The following C4orf51 variants were observed in gnomAD, a reference collection of about 807,000 sequenced individuals.
The protein encoded by C4orf51 is uncharacterized protein C4orf51.
C4orf51 carries 25 observed loss-of-function variants against 25.2 expected under a neutral mutation model. That is an observed-to-expected ratio of 0.99 (90% confidence interval 0.72 to 1.39). C4orf51 has a LOEUF of 1.39. Among genes scored for constraint, C4orf51 ranks in the 40% most tolerant of loss-of-function variants. C4orf51 has a pLI of 0.00. For missense variants in C4orf51, 252 were observed against 239.6 expected (o/e 1.05, Z -0.34); for synonymous variants, 100 against 84.5 (o/e 1.18, Z -1.01).
intron 2 of C4orf51, among the ~76,000 whole-genome samples, chr4:145,703,500 A>G (rs1032481453): frequency 2.6e-5 from 4 of 152,198 alleles, no homozygotes; most frequent in Non-Finnish European, 2.9e-5. Context: ...ACGGACGCGC[A>G]TGAAACTCCT....
intron 2 of C4orf51, among the ~76,000 whole-genome samples, chr4:145,699,961 C>T: frequency 6.6e-6 from 1 of 152,166 alleles, no homozygotes; most frequent in East Asian, 1.9e-4. Flanking sequence ...AACACCTTCT[C>T]CTTCACCCTT....
At chr4:145,693,834 G>A (rs1445886810) in intron 1 of C4orf51, among the ~76,000 whole-genome samples, 36 of 188 alleles carry the variant, frequency 0.19, no homozygotes, top group Non-Finnish European at 0.25. Context: ...CTGGCCGGGC[G>A]GGGGGGCTGA....
intron 1 of C4orf51, among the ~76,000 whole-genome samples, chr4:145,744,859 A>AT (rs1733287202): frequency 6.6e-6 from 1 of 151,510 alleles, no homozygotes; most frequent in African/African-American, 2.4e-5. Flanking sequence ...TCTCAAAAAA[A>AT]AAAAAGAGAG....
chr4:145,727,943 A>G (rs1732177016), intron 3 of C4orf51, among the ~76,000 whole-genome samples: 1 of 80,296 alleles, frequency 1.2e-5, no homozygotes, highest in Non-Finnish European at 2.1e-5. Context: ...ATATATATAC[A>G]TTATATATAA....
At chr4:145,775,340 A>T (rs549676494), downstream of C4orf51, among the ~76,000 whole-genome samples, 105 of 152,338 alleles carry the variant, frequency 6.9e-4, no homozygotes, top group Middle Eastern at 3.4e-3. Flanking sequence ...CATAAAATCC[A>T]CATACTAAAG....
chr4:145,689,335 A>T (rs1301911059), intron 1 of C4orf51, among the ~76,000 whole-genome samples: 1 of 152,198 alleles, frequency 6.6e-6, no homozygotes, highest in Admixed American at 6.5e-5. Context: ...GCATATAAAA[A>T]GGCAAGCCAC....
chr4:145,749,569 A>G (rs555736092), intron 1 of C4orf51, among the ~76,000 whole-genome samples: 4 of 150,632 alleles, frequency 2.7e-5, no homozygotes, highest in Admixed American at 2.6e-4. Flanking sequence ...TTTTTTGTGT[A>G]TCTGTTATAT....
the C4orf51 span, among the ~76,000 whole-genome samples, chr4:145,786,062 A>C: frequency 6.6e-6 from 1 of 152,240 alleles, no homozygotes; most frequent in African/African-American, 2.4e-5. Flanking sequence ...ACATGGTATT[A>C]CTGAAGAAAG....
chr4:145,770,031 C>A (rs1330848234), intron 1 of C4orf51, among the ~76,000 whole-genome samples: 1 of 152,192 alleles, frequency 6.6e-6, no homozygotes, highest in Non-Finnish European at 1.5e-5. Context: ...GGTGCCGTGG[C>A]TCACGCCTGT....
At position 145,765,866 on chromosome 4, in the gene C4orf51, C is replaced by T. The variant is rs559537329; in HGVS notation, n.167-5122C>T. ...TGGGGGCACAGGCTCATGTCCCCAG[C>T]TCCCCCACTGCTGGGGGATCCCAGG... On this transcript the variant is annotated intron_variant and non_coding_transcript_variant, in intron 1 of 1. Coordinates refer to the C4orf51 transcript ENST00000510096. This position sits in a 1 kb window ranked among gnomAD's most constrained non-coding sequence, Gnocchi z 4.7. The T allele has an allele frequency of 1.3e-5, 12 of 919,496 alleles. No individual in the cohort carries two copies. The East Asian group carries it at 3.3e-4, about 25-fold the overall frequency. The allele number at this position is 919,496 out of a possible 1,614,324, so 57.0% of individuals were successfully genotyped here. A position where few individuals can be genotyped will look rare whatever the true frequency, so the allele number is the denominator to read the frequency against.
rs398051305 is a variant in C4orf51 at position 145,731,564 on chromosome 4, CTTTTTTTTTTTTTTTT to C, written c.502-871_502-856del. 3.9e-4 allele frequency among the ~76,000 whole-genome samples: 17 copies of C among 43,876 alleles called. 2 individuals are homozygous for C. The South Asian group carries it at 0.015, about 38-fold the overall frequency. The allele number at this position is 43,876 out of a possible 152,430, so 28.8% of individuals were successfully genotyped here. A position where few individuals can be genotyped will look rare whatever the true frequency, so the allele number is the denominator to read the frequency against. On this transcript the variant is annotated intron_variant, in intron 5 of 5. Transcript: ENST00000438731. ...TTTTTATTTATGAGACAAGGCAAAT[CTTTTTTTTTTTTTTTT>C]TTTTTTTTTTTTTTTTTGAGACAGG...
chr4:145,742,556 T>TTA (rs1271213897), intron 1 of C4orf51, among the ~76,000 whole-genome samples: 1 of 89,118 alleles, frequency 1.1e-5, no homozygotes, highest in African/African-American at 4.2e-5. Flanking sequence ...TTTTTTTTTT[T>TTA]TGAGACAGAG....
At chr4:145,777,090 GAGA>G in the C4orf51 span, among the ~76,000 whole-genome samples, 2 of 152,166 alleles carry the variant, frequency 1.3e-5, no homozygotes, top group African/African-American at 4.8e-5. Flanking sequence ...TTAGTTCACA[GAGA>G]AGAACATGGA....
the C4orf51 span, among the ~76,000 whole-genome samples, chr4:145,792,192 A>G: frequency 1.3e-5 from 2 of 152,302 alleles, no homozygotes; most frequent in East Asian, 1.9e-4. Flanking sequence ...TCATGGCCTC[A>G]GATCAAAATA....
intron 1 of C4orf51, among the ~76,000 whole-genome samples, chr4:145,748,776 C>T (rs1473069578): frequency 1.3e-5 from 2 of 152,060 alleles, no homozygotes; most frequent in East Asian, 3.9e-4. Context: ...GTGTTTGTTT[C>T]ATGAACTAAC....
At chr4:145,742,744 G>A (rs1408968461) in intron 1 of C4orf51, among the ~76,000 whole-genome samples, 1 of 151,812 alleles carries the variant, frequency 6.6e-6, no homozygotes, top group Non-Finnish European at 1.5e-5. Context: ...GTTTCACCAT[G>A]TTGGTTAGGC....
intron 2 of C4orf51, among the ~76,000 whole-genome samples, chr4:145,723,968 T>C (rs1180399105): frequency 6.6e-6 from 1 of 152,162 alleles, no homozygotes; most frequent in Non-Finnish European, 1.5e-5. Flanking sequence ...TGAGAGACAT[T>C]TCTAGTTCAG....
Position 145,761,470 on chromosome 4 carries a change from G to A in C4orf51, n.167-9518G>A, listed in dbSNP as rs891632035. The A allele has an allele frequency of 9.3e-6, 12 of 1,289,748 alleles. No individual in the cohort carries two copies. The highest frequency in any genetic ancestry group is 7.6e-5 in the African/African-American group (5 of 65,874). The allele number at this position is 1,289,748 out of a possible 1,614,324, so 79.9% of individuals were successfully genotyped here. ...GCCCAGGCGGTGCTCCCGGGTGTGCGTCTCCAGCTCCAGCTGGTTGGCCTT... is the reference window on the plus strand; with the variant it reads ...GCCCAGGCGGTGCTCCCGGGTGTGCATCTCCAGCTCCAGCTGGTTGGCCTT... On this transcript the variant is annotated intron_variant and non_coding_transcript_variant, in intron 1 of 1. Transcript: ENST00000510096. This position sits in a 1 kb window ranked among gnomAD's most constrained non-coding sequence, Gnocchi z 6.8.
downstream of C4orf51, among the ~76,000 whole-genome samples, chr4:145,734,969 C>T (rs1326004957): frequency 6.6e-6 from 1 of 152,162 alleles, no homozygotes; most frequent in Admixed American, 6.5e-5. Flanking sequence ...GGGGCCACCC[C>T]GGAGTTTGGA....
Sources: gnomAD v4.1 joint callset for allele counts (sites outside exome capture counted in the v4.1 genomes callset) on GRCh38, gnomAD v4.1.1 for gene constraint, Gnocchi (gnomAD v3.1) non-coding constraint, MANE v1.5 for transcripts, NCBI Gene and HGNC (gene_info 2026-07-23, HGNC 2026-07-21) for gene names.